Variants in GALNT1 observed in about 807,000 individuals in gnomAD.
The protein encoded by GALNT1 is polypeptide N-acetylgalactosaminyltransferase 1.
Under a neutral mutation model 65.7 loss-of-function variants are expected in GALNT1, and 17 were observed. That is an observed-to-expected ratio of 0.26 (90% CI 0.18 to 0.39). The LOEUF (loss-of-function observed/expected upper bound fraction) is 0.39. Among genes scored for constraint, GALNT1 ranks in the 10% least tolerant of loss-of-function variants. The pLI is 1.00. For synonymous variants in GALNT1, 210 were observed against 219.7 expected, an observed-to-expected ratio of 0.96 and a Z score of 0.39; for missense variants, 460 against 672.8, an observed-to-expected ratio of 0.68 and a Z score of 3.50.
chr18:35,605,543 A>T (rs1466792007), intron 1 of GALNT1, among the ~76,000 whole-genome samples: 1 of 151,318 alleles, frequency 6.6e-6, no homozygotes, highest in African/African-American at 2.4e-5. Context: ...GCTTAAAACG[A>T]GCAGTATTTT....
chr18:35,629,265 T>C (rs1285599645), intron 1 of GALNT1, among the ~76,000 whole-genome samples: 1 of 152,022 alleles, frequency 6.6e-6, no homozygotes, highest in Non-Finnish European at 1.5e-5. Flanking sequence ...CACATAATTG[T>C]CAGATTCACC....
chr18:35,659,087 A>G (rs900314443), intron 2 of GALNT1, among the ~76,000 whole-genome samples: 9 of 152,138 alleles, frequency 5.9e-5, no homozygotes. Flanking sequence ...AAAACAACAA[A>G]AAGCATTGAG....
chr18:35,635,916 G>C (rs1371417788), intron 1 of GALNT1, among the ~76,000 whole-genome samples: 7 of 152,006 alleles, frequency 4.6e-5, no homozygotes, highest in Admixed American at 4.6e-4. Flanking sequence ...GGTCTTCCTT[G>C]TGATTGGCTT....
At chr18:35,599,794 A>T (rs1167986638) in intron 1 of GALNT1, among the ~76,000 whole-genome samples, 1 of 152,108 alleles carries the variant, frequency 6.6e-6, no homozygotes, top group East Asian at 1.9e-4. Flanking sequence ...TCCTTTCCCC[A>T]GTGATTATTC....
At chr18:35,665,914 T>TA (rs1379549616) in intron 3 of GALNT1, among the ~76,000 whole-genome samples, 2 of 152,004 alleles carry the variant, frequency 1.3e-5, no homozygotes, top group Non-Finnish European at 2.9e-5. Flanking sequence ...ACATAGAATG[T>TA]AAAAAACAGG....
At chr18:35,590,947 T>C (rs746013566) in intron 1 of GALNT1, among the ~76,000 whole-genome samples, 23 of 152,268 alleles carry the variant, frequency 1.5e-4, no homozygotes, top group Non-Finnish European at 2.9e-4. Flanking sequence ...AGAACTGATA[T>C]AGGGAGAGTA....
intron 3 of GALNT1, among the ~76,000 whole-genome samples, chr18:35,671,088 G>A (rs1384418622): frequency 6.6e-6 from 1 of 151,968 alleles, no homozygotes; most frequent in East Asian, 1.9e-4. Context: ...AGGTGTATTT[G>A]TACTAGATGG....
intron 1 of GALNT1, among the ~76,000 whole-genome samples, chr18:35,638,863 G>A (rs569464527): frequency 3.9e-5 from 6 of 152,336 alleles, no homozygotes; most frequent in Non-Finnish European, 7.3e-5. Context: ...GAGTTCAACT[G>A]CAGATGTGGT....
At chr18:35,686,002 A>G (rs2047861902) in intron 5 of GALNT1, among the ~76,000 whole-genome samples, 1 of 152,218 alleles carries the variant, frequency 6.6e-6, no homozygotes, top group Non-Finnish European at 1.5e-5. Context: ...CAGGAAGTCA[A>G]GGCTGCAATG....
intron 1 of GALNT1, chr18:35,596,409 C>G (rs1466036278): frequency 6.6e-6 from 1 of 152,120 alleles, no homozygotes; most frequent in Non-Finnish European, 1.5e-5. Flanking sequence ...TGTTCTTTGC[C>G]TTTAAATGCT....
chr18:35,643,556 G>T (rs2047192689), intron 1 of GALNT1, among the ~76,000 whole-genome samples: 1 of 152,172 alleles, frequency 6.6e-6, no homozygotes, highest in South Asian at 2.1e-4. Context: ...GAGGTCAGGA[G>T]ATCGAGACCA....
chr18:35,628,241 T>A (rs2046947035), intron 1 of GALNT1, among the ~76,000 whole-genome samples: 1 of 152,132 alleles, frequency 6.6e-6, no homozygotes, highest in Non-Finnish European at 1.5e-5. Flanking sequence ...GCATGGAGTT[T>A]GAGATCTGAG....
chr18:35,696,684 A>G (rs574558354), intron 9 of GALNT1, among the ~76,000 whole-genome samples: 9 of 152,344 alleles, frequency 5.9e-5, no homozygotes, highest in East Asian at 1.9e-4. Context: ...GCACAACACT[A>G]TAGGATTGTG....
At chr18:35,649,573 T>C (rs1483155247) in intron 1 of GALNT1, among the ~76,000 whole-genome samples, 4 of 152,208 alleles carry the variant, frequency 2.6e-5, no homozygotes, top group African/African-American at 9.7e-5. Context: ...TAAACAGATA[T>C]TTTCTTAATG....
At position 35,691,203 on chromosome 18, in the gene GALNT1, T is replaced by C. The variant is rs1285114134; in HGVS notation, c.1159+11T>C. The C allele has an allele frequency of 1.9e-6, 3 of 1,588,982 alleles. No homozygotes were observed. ...ATATAATTTCTCCAGGTTAGCGTTG[T>C]TTTGCATTAGAAATACAAGGCTGTA... On this transcript the variant is annotated intron_variant, in intron 8 of 11. Coordinates refer to ENST00000269195, the MANE Select transcript of GALNT1 (RefSeq NM_020474.4).
chr18:35,654,519 T>C (rs1322653728), intron 1 of GALNT1, 41 bp from the exon 2 acceptor site: 1 of 293,200 alleles, frequency 3.4e-6, no homozygotes, highest in African/African-American at 2.2e-5. Flanking sequence ...TTTGATGTTC[T>C]GAATTTTTAA....
rs112557145 is a variant in GALNT1 at position 35,686,981 on chromosome 18, T to C, written c.690-35T>C. On this transcript the variant is annotated intron_variant, in intron 5 of 11. Coordinates refer to ENST00000269195, the MANE Select transcript of GALNT1 (RefSeq NM_020474.4). ...GTAGTTGGCATTAAACAGGAATGTT[T>C]TGAAAGATTTCTTAACTTGCTTTTA... 1,878 of 1,582,812 alleles carry C rather than the reference T, an allele frequency of 1.2e-3. 26 individuals carry two copies. The African/African-American group carries it at 0.023, about 19-fold the overall frequency.
intron 11 of GALNT1, among the ~76,000 whole-genome samples, chr18:35,706,481 G>A (rs970839637): frequency 7.9e-5 from 12 of 151,864 alleles, no homozygotes; most frequent in Non-Finnish European, 1.3e-4. Flanking sequence ...CAGCCTGGGC[G>A]ACAGAGTGAG....
At chr18:35,673,783 A>C (rs958085211) in intron 3 of GALNT1, among the ~76,000 whole-genome samples, 4 of 152,230 alleles carry the variant, frequency 2.6e-5, no homozygotes, top group African/African-American at 4.8e-5. Flanking sequence ...AGTAAATACC[A>C]AGCGACTTCT....
Sources: allele counts gnomAD v4.1 joint callset (sites outside exome capture counted in the v4.1 genomes callset), GRCh38; gene constraint gnomAD v4.1.1; transcripts MANE v1.5; gene names NCBI Gene and HGNC (gene_info 2026-07-23, HGNC 2026-07-21).